Variants in AFG3L2 observed in about 807,000 individuals in gnomAD.
AFG3L2 encodes mitochondrial inner membrane m-AAA protease component AFG3L2.
Under a neutral mutation model 94.5 loss-of-function variants are expected in AFG3L2, and 54 were observed. The observed-to-expected ratio is 0.57, with a 90% confidence interval of 0.46 to 0.72. The LOEUF is 0.72. Among genes scored for constraint, AFG3L2 ranks in the 30% least tolerant of loss-of-function variants. AFG3L2 has a pLI of 0.00. For missense variants in AFG3L2, 754 were observed against 994.9 expected, an observed-to-expected ratio of 0.76 and a Z score of 3.26; for synonymous variants, 377 against 365.5, an observed-to-expected ratio of 1.03 and a Z score of -0.36.
At chr18:12,330,645 G>C (rs1184304482) in intron 16 of AFG3L2, among the ~76,000 whole-genome samples, 1 of 152,068 alleles carries the variant, frequency 6.6e-6, no homozygotes, top group Non-Finnish European at 1.5e-5. Flanking sequence ...AGGCGCAGTG[G>C]TGGGTGCCTG....
chr18:12,338,309 C>T (rs1907820023), intron 15 of AFG3L2, among the ~76,000 whole-genome samples: 1 of 152,136 alleles, frequency 6.6e-6, no homozygotes. Flanking sequence ...GAAACAAGAA[C>T]CCCCAGCTGC....
intron 14 of AFG3L2, among the ~76,000 whole-genome samples, 195 bp from the exon 15 acceptor site, chr18:12,340,596 GTT>G (rs59938992): frequency 6.6e-6 from 1 of 152,028 alleles, no homozygotes; most frequent in African/African-American, 2.4e-5. Flanking sequence ...ACCTTAGAGT[GTT>G]TTTTTTCTTG....
In AFG3L2 at chr18:12,337,379, C is replaced by A. The variant is rs773790965; in HGVS notation, c.2137G>T (p.Val713Leu). The change falls in exon 16 of 17, where the codon GTA becomes TTA. Residue 713 changes from valine (V) to leucine (L), a missense_variant. Around this residue, in one of 4 missense-constraint regions of AFG3L2, gnomAD observed 279 missense variants for 378.6 expected, o/e 0.74. Transcript: ENST00000269143. ...GCTTTCTTTTCTGTGAGAAGAGCTA[C>A]TGTTCTTTTATAAGCATCATTAATA... ...ILINDAYKRT[V>L]ALLTEKKADV... 1 of 1,614,200 alleles carries A rather than the reference C, an allele frequency of 6.2e-7. No individual in the cohort carries two copies.
intron 6 of AFG3L2, among the ~76,000 whole-genome samples, chr18:12,361,203 C>T (rs1908649197): frequency 6.6e-6 from 1 of 152,142 alleles, no homozygotes; most frequent in South Asian, 2.1e-4. Context: ...CAAACTGTCT[C>T]TACTAAAACT....
chr18:12,356,559 G>T, intron 9 of AFG3L2, 135 bp downstream of exon 9: 1 of 1,275,268 alleles, frequency 7.8e-7, no homozygotes, highest in Non-Finnish European at 1.1e-6. Flanking sequence ...AGGCCTGGAG[G>T]AGAGCTCAGG....
At chr18:12,374,677 G>T (rs1271819751) in intron 1 of AFG3L2, among the ~76,000 whole-genome samples, 1 of 152,112 alleles carries the variant, frequency 6.6e-6, no homozygotes, top group Admixed American at 6.5e-5. Flanking sequence ...AAAGCCTTTG[G>T]GTAACACTTC....
intron 2 of AFG3L2, 42 bp downstream of exon 2, chr18:12,371,550 A>G: frequency 1.3e-6 from 2 of 1,559,552 alleles, no homozygotes; most frequent in Non-Finnish European, 1.8e-6. Flanking sequence ...AAAAGACCCA[A>G]CCTAAGAATG....
rs781266510 is a variant in AFG3L2, at chr18:12,344,231, C to T, written c.1680G>A (p.Thr560=). The change falls in exon 14 of 17, where the codon ACG becomes ACA. Residue 560 remains threonine (T), a synonymous_variant. Coordinates refer to ENST00000269143, the MANE Select transcript of AFG3L2 (RefSeq NM_006796.3). ...TCTTCTCCTCAGGCTGCAGAACCTGCGTTTTCTTCTCTAAGCCTAACAAAA... is the reference window on the plus strand; with the variant it reads ...TCTTCTCCTCAGGCTGCAGAACCTGTGTTTTCTTCTCTAAGCCTAACAAAA... ...ERVIGGLEKK[T]QVLQPEEKKT... 30 of 1,613,940 alleles carry T rather than the reference C, an allele frequency of 1.9e-5. No individual in the cohort carries two copies. The highest frequency in any genetic ancestry group is 2.7e-5 in the African/African-American group (2 of 74,920).
chr18:12,354,729 C>T (rs975278849), intron 9 of AFG3L2, among the ~76,000 whole-genome samples: 7 of 152,276 alleles, frequency 4.6e-5, no homozygotes, highest in African/African-American at 1.7e-4. Flanking sequence ...CTCACGCCAA[C>T]TCTTTACCAC....
At chr18:12,334,939 G>GT (rs1438641718) in intron 16 of AFG3L2, among the ~76,000 whole-genome samples, 1 of 152,146 alleles carries the variant, frequency 6.6e-6, no homozygotes, top group Non-Finnish European at 1.5e-5. Context: ...GAGGGCCTGG[G>GT]ACTTATGAAA....
intron 10 of AFG3L2, 90 bp downstream of exon 10, chr18:12,352,915 A>C (rs529682620): frequency 2.6e-6 from 4 of 1,561,580 alleles, no homozygotes; most frequent in Non-Finnish European, 3.5e-6. Context: ...AAATCACACC[A>C]CTCACTTCAG....
At chr18:12,340,063 CTTT>C in intron 15 of AFG3L2, 135 bp downstream of exon 15, 3 of 829,444 alleles carry the variant, frequency 3.6e-6, no homozygotes. Context: ...TGCTTTACTT[CTTT>C]TAAGAGATAA....
intron 14 of AFG3L2, chr18:12,342,694 A>C (rs1294014039): frequency 5.3e-5 from 8 of 152,098 alleles, no homozygotes; most frequent in Non-Finnish European, 5.9e-5. Context: ...TGTTTCAAAT[A>C]ATTTTTTGCA....
In AFG3L2 at chr18:12,329,145, G is replaced by A. The variant is rs936844940; in HGVS notation, c.*420C>T. The stretch of plus-strand genomic sequence containing the variant: ...ATCAAGACTCCAATTTAATTTCACA[G>A]CCCATCTGCACAGGGGAACTGAGGA... On this transcript the variant is annotated 3_prime_UTR_variant, in exon 17 of 17. Coordinates refer to ENST00000269143, the MANE Select transcript of AFG3L2 (RefSeq NM_006796.3). The A allele has an allele frequency of 5.7e-6, 4 of 702,958 alleles. No homozygotes were observed. Among genetic ancestry groups the A allele is most frequent in the Non-Finnish European group, 7.8e-6 (3 of 384,992 alleles). 43.5% of individuals were successfully genotyped at this position (702,958 alleles called of 1,614,324 possible). A position where few individuals can be genotyped will look rare whatever the true frequency, so the allele number is the denominator to read the frequency against.
intron 16 of AFG3L2, among the ~76,000 whole-genome samples, chr18:12,333,128 A>AATCTAT: frequency 9.3e-5 from 8 of 85,758 alleles, no homozygotes; most frequent in African/African-American, 3.8e-4. Flanking sequence ...AATAGATTAT[A>AATCTAT]TATATAATAT....
chr18:12,345,262 G>C (rs534588351), intron 13 of AFG3L2, among the ~76,000 whole-genome samples: 9 of 152,368 alleles, frequency 5.9e-5, no homozygotes, highest in Non-Finnish European at 1.2e-4. Flanking sequence ...AGTGCTGACC[G>C]GACTCTAGTC....
At position 12,376,267 on chromosome 18, in the gene AFG3L2, A is replaced by T. The variant is rs144512953; in HGVS notation, c.114+702T>A. Reference sequence around the variant, plus strand: ...GCAAGGCTGAGGAACCGTGTCACTTAAACAGTGAGAGCGACTATTCGACAC... The same window carrying T: ...GCAAGGCTGAGGAACCGTGTCACTTTAACAGTGAGAGCGACTATTCGACAC... On this transcript the variant is annotated intron_variant, in intron 1 of 16. Transcript: ENST00000269143. Among the ~76,000 whole-genome samples the T allele has an allele frequency of 1.6e-3, 242 of 152,326 alleles. 2 individuals are homozygous for T. The highest frequency in any genetic ancestry group is 8.3e-3 in the South Asian group (40 of 4,826).
intron 13 of AFG3L2, among the ~76,000 whole-genome samples, chr18:12,345,359 TGTACTAAAACAAATCATCACACA>T (rs1216079290): frequency 1.6e-4 from 24 of 152,378 alleles, no homozygotes; most frequent in African/African-American, 5.5e-4. Flanking sequence ...CTGCGCCATT[TGTACTAAAACAAATCATCACACA>T]GTGGCAAAAG....
At chr18:12,340,152 G>A (rs776531972) in intron 15 of AFG3L2, 49 bp downstream of exon 15, 99 of 1,520,396 alleles carry the variant, frequency 6.5e-5, no homozygotes, top group Non-Finnish European at 7.9e-5. Flanking sequence ...TCAATTTCTC[G>A]TGCAAATATG....
Sources: gnomAD v4.1 joint callset for allele counts (sites outside exome capture counted in the v4.1 genomes callset) on GRCh38, gnomAD v4.1.1 for gene constraint, gnomAD v4.1.1 regional missense constraint, MANE v1.5 for transcripts, NCBI Gene and HGNC (gene_info 2026-07-23, HGNC 2026-07-21) for gene names.